The following TMEM196 variants were observed in gnomAD, a reference collection of about 807,000 sequenced individuals.
The protein encoded by TMEM196 is transmembrane protein 196.
A neutral mutation model predicts 20.0 loss-of-function variants in TMEM196; 17 were observed. The ratio of observed to expected loss-of-function variants is 0.85; its 90% CI spans 0.58 to 1.27. The LOEUF is 1.27. Among genes scored for constraint, TMEM196 ranks in the 50% most tolerant of loss-of-function variants. TMEM196 has a pLI of 0.00. For missense variants in TMEM196, 267 were observed against 223.0 expected, an observed-to-expected ratio of 1.20 and a Z score of -1.26; for synonymous variants, 113 against 88.9, an observed-to-expected ratio of 1.27 and a Z score of -1.52.
chr7:19,741,813 T>A (rs1476866699), intron 1 of TMEM196, among the ~76,000 whole-genome samples: 6 of 152,168 alleles, frequency 3.9e-5, no homozygotes, highest in East Asian at 1.9e-4. Context: ...TTTGCAAAAT[T>A]TACCTAAGAG....
intron 1 of TMEM196, among the ~76,000 whole-genome samples, chr7:19,769,318 G>GTAT (rs144018392): frequency 5.9e-5 from 9 of 151,478 alleles, no homozygotes; most frequent in East Asian, 3.9e-4. Flanking sequence ...GTAAGAATGG[G>GTAT]TATTATTATT....
Position 19,769,724 on chromosome 7 carries a change from T to C in TMEM196, c.147+2826A>G, listed in dbSNP as rs914336368. Among the ~76,000 whole-genome samples the C allele has an allele frequency of 2.0e-5, 3 of 152,042 alleles. No individual in the cohort carries two copies. In the East Asian group the frequency reaches 5.8e-4, roughly 29 times the overall value. On this transcript the variant is annotated intron_variant, in intron 1 of 4. Transcript: ENST00000405844. ...GGGAAAAAAAACAATACAACAACAA[T>C]AATAATACAAAGGAAATACAGTATA...
At chr7:19,744,163 T>C (rs1400151610) in intron 1 of TMEM196, among the ~76,000 whole-genome samples, 1 of 152,176 alleles carries the variant, frequency 6.6e-6, no homozygotes, top group Non-Finnish European at 1.5e-5. Flanking sequence ...TGAGCCTCGT[T>C]GATTTGTGTT....
At chr7:19,725,405 T>A (rs1005663350) in intron 3 of TMEM196, 109 bp downstream of exon 3, 1 of 1,401,418 alleles carries the variant, frequency 7.1e-7, no homozygotes, top group Non-Finnish European at 9.5e-7. Flanking sequence ...GCCAAATGTA[T>A]AAAATCTGAT....
Position 19,729,393 on chromosome 7 carries a change from A to T in TMEM196, c.193T>A (p.Ser65Thr). Reference protein sequence around the residue: ...ICGILCAKKKSGLVMILFSAC... With the variant: ...ICGILCAKKKTGLVMILFSAC... ...AATCAAACACTTACGACAAGTCCTG[A>T]TTTTTTTTTGGCACACAATATTCCA... Residue 65 changes from serine to threonine, a missense_variant, in exon 2 of 5, where the codon TCA becomes ACA. Physicochemically the swap from Ser to Thr is moderately conservative, Grantham distance 58 (BLOSUM62 1). Transcript: ENST00000405844. The T allele has an allele frequency of 6.5e-7, 1 of 1,533,496 alleles. No homozygotes were observed. 95.0% of individuals were successfully genotyped at this position (1,533,496 alleles called of 1,614,324 possible).
At position 19,721,094 on chromosome 7, in the gene TMEM196, C is replaced by T. The variant is rs1783798529; in HGVS notation, c.*1034G>A. 6.6e-6 allele frequency: 1 copy of T among 151,866 alleles called. No individual in the cohort carries two copies. Among genetic ancestry groups the T allele is most frequent in the African/African-American group, 2.4e-5 (1 of 41,422 alleles). 9.4% of individuals were successfully genotyped at this position (151,866 alleles called of 1,614,324 possible). On this transcript the variant is annotated 3_prime_UTR_variant, in exon 5 of 5. Coordinates refer to ENST00000405844, the MANE Select transcript of TMEM196 (RefSeq NM_001363562.2). Reference sequence around the variant, plus strand: ...TGTATACTACACTATTCAGATCACTCATCTTCATAAATATCACCCACAATG... The same window carrying T: ...TGTATACTACACTATTCAGATCACTTATCTTCATAAATATCACCCACAATG...
At chr7:19,763,367 C>T (rs1287532334) in intron 1 of TMEM196, among the ~76,000 whole-genome samples, 2 of 152,022 alleles carry the variant, frequency 1.3e-5, no homozygotes, top group African/African-American at 4.8e-5. Flanking sequence ...TGGCAGGGTA[C>T]AAATTTAAAA....
intron 1 of TMEM196, among the ~76,000 whole-genome samples, chr7:19,769,496 G>GT (rs2128041159): frequency 6.6e-6 from 1 of 152,108 alleles, no homozygotes; most frequent in East Asian, 1.9e-4. Context: ...ACCTGTCCCA[G>GT]TTTTTTGCCT....
At chr7:19,729,334 T>C in intron 2 of TMEM196, 48 bp downstream of exon 2, 4 of 1,497,896 alleles carry the variant, frequency 2.7e-6, no homozygotes, top group Non-Finnish European at 3.6e-6. Context: ...TTTAGAATTT[T>C]ACGTTTCATA....
intron 3 of TMEM196, among the ~76,000 whole-genome samples, chr7:19,724,944 C>A (rs1783939866): frequency 6.6e-6 from 1 of 152,120 alleles, no homozygotes; most frequent in South Asian, 2.1e-4. Flanking sequence ...TTTCATGAAA[C>A]AATTATGCAA....
At chr7:19,738,714 A>T (rs1164439753) in intron 1 of TMEM196, among the ~76,000 whole-genome samples, 2 of 152,132 alleles carry the variant, frequency 1.3e-5, no homozygotes, top group African/African-American at 4.8e-5. Context: ...ACCAAAATAA[A>T]ACAGCATGGG....
At chr7:19,729,302 G>C in intron 2 of TMEM196, 80 bp downstream of exon 2, 2 of 1,158,770 alleles carry the variant, frequency 1.7e-6, no homozygotes, top group East Asian at 2.9e-5. Context: ...GTATATGAAA[G>C]CTGGCTAGCC....
intron 1 of TMEM196, among the ~76,000 whole-genome samples, chr7:19,757,337 CTTTTTTTTTTT>C (rs59859025): frequency 2.8e-5 from 2 of 70,874 alleles, no homozygotes; most frequent in South Asian, 6.9e-4. Flanking sequence ...CCACACCCAG[CTTTTTTTTTTT>C]TTTTTTTTTT....
intron 2 of TMEM196, among the ~76,000 whole-genome samples, chr7:19,728,101 A>C (rs1583418150): frequency 6.6e-6 from 1 of 152,188 alleles, no homozygotes; most frequent in South Asian, 2.1e-4. Flanking sequence ...TAAGAGAAAG[A>C]CAGAGAAGTG....
chr7:19,728,378 G>GA (rs966631641), intron 2 of TMEM196, among the ~76,000 whole-genome samples: 3 of 151,996 alleles, frequency 2.0e-5, no homozygotes, highest in African/African-American at 4.8e-5. Flanking sequence ...TTACAAGCCT[G>GA]AAAAAATACA....
chr7:19,771,003 T>C (rs1785851961), intron 1 of TMEM196, among the ~76,000 whole-genome samples: 1 of 152,020 alleles, frequency 6.6e-6, no homozygotes, highest in Non-Finnish European at 1.5e-5. Context: ...CATTAAGATA[T>C]CATAAGATCA....
At position 19,757,903 on chromosome 7, in the gene TMEM196, G is replaced by A. The variant is rs184923314; in HGVS notation, c.147+14647C>T. Among the ~76,000 whole-genome samples the A allele has an allele frequency of 6.0e-4, 90 of 150,384 alleles. 1 individual carries two copies. The highest frequency in any genetic ancestry group is 1.9e-3 in the African/African-American group (80 of 41,138). ...AAAAGGTTACCTTTTTAAACATATA[G>A]GATGATTAAAAGGCATTTATCTTTT... is the stretch of plus-strand genomic sequence containing the variant. On this transcript the variant is annotated intron_variant, in intron 1 of 4. Transcript: ENST00000405844.
At chr7:19,749,052 A>G (rs1583443014) in intron 1 of TMEM196, among the ~76,000 whole-genome samples, 1 of 152,274 alleles carries the variant, frequency 6.6e-6, no homozygotes, top group South Asian at 2.1e-4. Flanking sequence ...TGGCAATTTT[A>G]ATGTCATTTT....
chr7:19,746,000 C>T (rs1402587692), intron 1 of TMEM196, among the ~76,000 whole-genome samples: 1 of 151,864 alleles, frequency 6.6e-6, no homozygotes, highest in East Asian at 1.9e-4. Context: ...AGGTGAGATA[C>T]ACAGAAGAAC....
Sources: allele counts gnomAD v4.1 joint callset (sites outside exome capture counted in the v4.1 genomes callset), GRCh38; gene constraint gnomAD v4.1.1; transcripts MANE v1.5; gene names NCBI Gene and HGNC (gene_info 2026-07-23, HGNC 2026-07-21).